Variants in NIPAL3 observed in about 807,000 individuals in gnomAD.
NIPAL3 encodes NIPA-like protein 3.
In NIPAL3, 41 loss-of-function variants were observed where a neutral mutation model predicts 47.2. That is an observed-to-expected ratio of 0.87 (90% CI 0.68 to 1.13). NIPAL3 has a LOEUF of 1.13. NIPAL3 is among the 50% of genes most tolerant of loss of function. NIPAL3 has a pLI of 0.00. For synonymous variants in NIPAL3, 194 were observed against 209.6 expected, an observed-to-expected ratio of 0.93 and a Z score of 0.64; for missense variants, 449 against 530.1, an observed-to-expected ratio of 0.85 and a Z score of 1.50.
chr1:24,415,767 T>G, upstream of NIPAL3: 1 of 919,772 alleles, frequency 1.1e-6, no homozygotes, highest in Non-Finnish European at 1.3e-6. Context: ...ATCGCGACCT[T>G]TGAAAGCAAA....
intron 2 of NIPAL3, among the ~76,000 whole-genome samples, chr1:24,437,787 A>T (rs1283445452): frequency 6.6e-6 from 1 of 152,102 alleles, no homozygotes; most frequent in African/African-American, 2.4e-5. Flanking sequence ...TCTAGGGAGG[A>T]TGGAGCACTG....
intron 2 of NIPAL3, chr1:24,421,695 C>T (rs1322049487): frequency 6.6e-6 from 1 of 152,242 alleles, no homozygotes; most frequent in Admixed American, 6.5e-5. Context: ...TAGTAACTGC[C>T]TCCTGGTGGT....
chr1:24,437,113 G>A (rs1645153906), intron 2 of NIPAL3, among the ~76,000 whole-genome samples: 1 of 151,948 alleles, frequency 6.6e-6, no homozygotes, highest in Admixed American at 6.6e-5. Context: ...ATAGCCGGGC[G>A]AGGTGGCGGG....
chr1:24,459,478 T>C (rs1386971061), intron 9 of NIPAL3, among the ~76,000 whole-genome samples: 1 of 152,242 alleles, frequency 6.6e-6, no homozygotes, highest in Admixed American at 6.5e-5. Context: ...ATTTTCTTTC[T>C]GTAGTGGCCT....
At chr1:24,426,785 A>G (rs889118731) in intron 2 of NIPAL3, among the ~76,000 whole-genome samples, 7 of 152,142 alleles carry the variant, frequency 4.6e-5, no homozygotes, top group African/African-American at 1.7e-4. Flanking sequence ...GACAGTGTCA[A>G]TTCTACTCTG....
intron 2 of NIPAL3, among the ~76,000 whole-genome samples, chr1:24,432,923 C>T (rs1289818141): frequency 2.6e-5 from 4 of 152,236 alleles, no homozygotes; most frequent in African/African-American, 4.8e-5. Flanking sequence ...GTGCCTAACA[C>T]GTAGGAAGTT....
At chr1:24,457,875 T>C (rs764911444) in intron 8 of NIPAL3, 6 of 512,304 alleles carry the variant, frequency 1.2e-5, no homozygotes, top group Non-Finnish European at 2.4e-5. Context: ...CTTGCTATTG[T>C]TATTTTGGTT....
rs1301554974 is a variant in NIPAL3, at chr1:24,472,841, A to C, written c.*3656A>C. 1 of 151,968 alleles carries C rather than the reference A, an allele frequency of 6.6e-6. No homozygotes were observed. The highest frequency in any genetic ancestry group is 2.4e-5 in the African/African-American group (1 of 41,376). 9.4% of individuals were successfully genotyped at this position (151,968 alleles called of 1,614,324 possible). On this transcript the variant is annotated 3_prime_UTR_variant, in exon 12 of 12. Transcript: ENST00000374399. ...TCTGAGAAGCGGTGTAAATGAAGTC[A>C]CCTTAGAATATATTCTGTGCGGATG...
In NIPAL3 at chr1:24,461,283, T is replaced by C. The variant is rs145970795; in HGVS notation, c.926+739T>C. ...CAGGCTGGGAGAGGTGGCTCACACC[T>C]GTAATCCCAGCACTTTGGAAGGCCG... On this transcript the variant is annotated intron_variant, in intron 10 of 11. Coordinates refer to ENST00000374399, the MANE Select transcript of NIPAL3 (RefSeq NM_020448.5). Among the ~76,000 whole-genome samples the C allele has an allele frequency of 7.8e-3, 1,189 of 152,304 alleles. 18 individuals are homozygous for C. The highest frequency in any genetic ancestry group is 0.026 in the African/African-American group (1,065 of 41,558).
intron 2 of NIPAL3, among the ~76,000 whole-genome samples, chr1:24,432,338 G>C (rs1170868314): frequency 6.6e-6 from 1 of 152,082 alleles, no homozygotes; most frequent in Admixed American, 6.6e-5. Flanking sequence ...TGTTTGTCAG[G>C]CTGGTCTCGA....
chr1:24,457,415 A>G (rs575251548), intron 8 of NIPAL3, among the ~76,000 whole-genome samples: 8 of 152,318 alleles, frequency 5.3e-5, no homozygotes, highest in African/African-American at 1.7e-4. Flanking sequence ...CACAGGACTC[A>G]GCAGCGCACA....
rs140645563 is a variant in NIPAL3, at chr1:24,431,803, A to AC, written c.94-8364dup. ...TCCTCAAAAGTACTTGCTGGTTCCC[A>AC]CCCCCGGAGCTTCCTATGCGTTGTG... On this transcript the variant is annotated intron_variant, in intron 2 of 11. Coordinates refer to ENST00000374399, the MANE Select transcript of NIPAL3 (RefSeq NM_020448.5). 8.0e-5 allele frequency among the ~76,000 whole-genome samples: 12 copies of AC among 150,590 alleles called. 1 individual carries two copies. In the South Asian group the frequency reaches 2.5e-3, roughly 32 times the overall value.
chr1:24,428,966 G>A (rs1016017930), intron 2 of NIPAL3, among the ~76,000 whole-genome samples: 3 of 152,092 alleles, frequency 2.0e-5, no homozygotes, highest in Admixed American at 1.3e-4. Flanking sequence ...ACATTCTCAG[G>A]CTAGTCTGTG....
rs772803576 is a variant in NIPAL3, at chr1:24,458,984, T to G, written c.862+8T>G. 3 of 1,612,092 alleles carry G rather than the reference T, an allele frequency of 1.9e-6. No homozygotes were observed. The highest frequency in any genetic ancestry group is 2.5e-6 in the Non-Finnish European group (3 of 1,178,320). On this transcript the variant is annotated splice_region_variant and intron_variant, in intron 9 of 11. Transcript: ENST00000374399. The stretch of plus-strand genomic sequence containing the variant: ...CCATTGCTATCACAGCAGGTAAGGG[T>G]GACCCATTGCTAGATTTCTGTCTTC...
intron 2 of NIPAL3, among the ~76,000 whole-genome samples, chr1:24,439,243 G>A (rs1375761452): frequency 1.3e-5 from 2 of 152,148 alleles, no homozygotes; most frequent in East Asian, 3.9e-4. Flanking sequence ...TCCAGTAATA[G>A]CAAAGCAATG....
At chr1:24,437,714 G>C (rs1645187487) in intron 2 of NIPAL3, among the ~76,000 whole-genome samples, 1 of 152,142 alleles carries the variant, frequency 6.6e-6, no homozygotes, top group Non-Finnish European at 1.5e-5. Context: ...CTCAGTCCAA[G>C]ATCTGGATCC....
At chr1:24,418,981 A>G (rs373137748) in intron 1 of NIPAL3, among the ~76,000 whole-genome samples, 2 of 146,880 alleles carry the variant, frequency 1.4e-5, no homozygotes, top group African/African-American at 5.1e-5. Context: ...CTCAAGAGCT[A>G]TGGAAAAAGG....
chr1:24,466,219 A>T, intron 11 of NIPAL3: 1 of 864,436 alleles, frequency 1.2e-6, no homozygotes, highest in Non-Finnish European at 1.8e-6. Flanking sequence ...TTCACAGAAC[A>T]TCAGCAGCAG....
At chr1:24,422,196 AT>A (rs1261717852) in intron 2 of NIPAL3, 1 of 152,270 alleles carries the variant, frequency 6.6e-6, no homozygotes, top group African/African-American at 2.4e-5. Context: ...TTGTTTCAGC[AT>A]TGGCATCTCG....
Sources: allele counts gnomAD v4.1 joint callset (sites outside exome capture counted in the v4.1 genomes callset), GRCh38; gene constraint gnomAD v4.1.1; transcripts MANE v1.5; gene names NCBI Gene and HGNC (gene_info 2026-07-23, HGNC 2026-07-21).